ZBED1: variants seen among roughly 807,000 people sequenced by gnomAD.
ZBED1 encodes zinc finger BED-type containing 1, also known as E3 SUMO-protein ligase ZBED1.
ZBED1 carries 19 observed loss-of-function variants against 49.7 expected under a neutral mutation model. The observed-to-expected ratio is 0.38, with a 90% CI of 0.27 to 0.56. ZBED1 has a LOEUF of 0.56. Ranked by LOEUF, ZBED1 falls within the 20% of genes least tolerant of loss-of-function variation. The pLI is 0.70. For missense variants in ZBED1, 806 were observed against 972.6 expected (o/e 0.83, Z 2.28); for synonymous variants, 439 against 440.3 (o/e 1.00, Z 0.04).
At position 2,489,594 on chromosome X, in the gene ZBED1, C is replaced by T; in HGVS notation, c.1126G>A (p.Val376Met). ...AGGTGGTGGTTGTTGCTGTCCTCCA[C>T]CAAGACCCCGGCGATGACGAACTGC... ...EQQFVIAGVLVEDSNNHHLML... is the reference protein window; with the variant it reads ...EQQFVIAGVLMEDSNNHHLML... The change falls in exon 2 of 2, where the codon GTG becomes ATG. Residue 376 changes from valine to methionine, a missense_variant. Val to Met is a conservative substitution (Grantham distance 21). Around this residue, in one of 2 missense-constraint regions of ZBED1, gnomAD observed 749 missense variants for 861.3 expected, o/e 0.87. Transcript: ENST00000652001. 1 of 1,612,648 alleles carries T rather than the reference C, an allele frequency of 6.2e-7. No individual in the cohort carries two copies. Among genetic ancestry groups the T allele is most frequent in the Non-Finnish European group, 8.5e-7 (1 of 1,179,846 alleles).
chrX:2,490,445 G>A lies in ZBED1; in HGVS notation c.275C>T (p.Thr92Ile). The change falls in exon 2 of 2, where the codon ACC becomes ATC. Residue 92 changes from threonine to isoleucine, a missense_variant. By Grantham distance (89) the Thr-to-Ile change is moderately conservative (BLOSUM62 -1). Transcript: ENST00000652001. ...NTEQMREAFA[T>I]AFSKLKPESS... ...CTCGGGCTTCAGCTTGGAGAAGGCG[G>A]TGGCGAAGGCTTCACGCATCTGCTC... 2 of 1,613,964 alleles carry A rather than the reference G, an allele frequency of 1.2e-6. No individual in the cohort carries two copies. The highest frequency in any genetic ancestry group is 8.5e-7 in the Non-Finnish European group (1 of 1,179,868).
intron 1 of ZBED1, chrX:2,500,165 A>G (rs1569352189): frequency 6.6e-6 from 1 of 152,362 alleles, no homozygotes; most frequent in Non-Finnish European, 1.5e-5. Flanking sequence ...TGTGACTCAG[A>G]GATGTTTACA....
chrX:2,499,874 G>A (rs1367370878), intron 1 of ZBED1, among the ~76,000 whole-genome samples: 4 of 151,716 alleles, frequency 2.6e-5, no homozygotes, highest in Admixed American at 6.6e-5. Context: ...GCAAGACCCC[G>A]TCTACAAAAC....
Position 2,499,318 on chromosome X carries a change from A to G in ZBED1, c.-54+1499T>C, listed in dbSNP as rs771825883. On this transcript the variant is annotated intron_variant, in intron 1 of 1. Coordinates refer to ENST00000652001, the MANE Select transcript of ZBED1 (RefSeq NM_001171136.2). ...CTTAGGCTGGACATTTAAGACATTC[A>G]GGGCAACGTACACCCCCACCCCCAC... 2.4e-4 allele frequency among the ~76,000 whole-genome samples: 37 copies of G among 152,298 alleles called. 1 individual carries two copies. In the South Asian group the frequency reaches 5.8e-3, roughly 24 times the overall value.
At position 2,489,415 on chromosome X, in the gene ZBED1, G is replaced by A. The variant is rs770802784; in HGVS notation, c.1305C>T (p.Asn435=). The part of the protein sequence containing the change: ...LLHMLLNTTL[N]IKETDSKELS... ...GCTCCTTGGAGTCGGTCTCCTTGAT[G>A]TTGAGCGTGGTGTTCAGGAGCATGT... The change falls in exon 2 of 2, where the codon AAC becomes AAT. Residue 435 remains asparagine (N), a synonymous_variant. Coordinates refer to ENST00000652001, the MANE Select transcript of ZBED1 (RefSeq NM_001171136.2). 1.6e-5 allele frequency: 26 copies of A among 1,613,960 alleles called. No homozygotes were observed. Among genetic ancestry groups the A allele is most frequent in the East Asian group, 2.2e-5 (1 of 44,868 alleles).
chrX:2,491,411 C>T (rs1395920343), intron 1 of ZBED1, among the ~76,000 whole-genome samples: 2 of 152,102 alleles, frequency 1.3e-5, no homozygotes, highest in African/African-American at 4.8e-5. Context: ...TGTTCCTGTC[C>T]TAAGAGTTTC....
intron 1 of ZBED1, among the ~76,000 whole-genome samples, chrX:2,495,877 T>C (rs921136365): frequency 6.6e-6 from 1 of 152,060 alleles, no homozygotes; most frequent in Non-Finnish European, 1.5e-5. Context: ...GTGCCTCACA[T>C]GACTCTTACC....
At chrX:2,496,428 A>C (rs2045286697) in intron 1 of ZBED1, among the ~76,000 whole-genome samples, 2 of 152,000 alleles carry the variant, frequency 1.3e-5, no homozygotes, top group South Asian at 4.1e-4. Context: ...CAAACTCCTG[A>C]GCTCAGGCAA....
intron 1 of ZBED1, among the ~76,000 whole-genome samples, chrX:2,492,962 C>T (rs374536098): frequency 1.4e-4 from 21 of 152,368 alleles, no homozygotes; most frequent in African/African-American, 4.6e-4. Flanking sequence ...CGGGCAGTCG[C>T]GGCCTGCGTT....
At chrX:2,495,321 C>T (rs1036291815) in intron 1 of ZBED1, among the ~76,000 whole-genome samples, 18 of 151,488 alleles carry the variant, frequency 1.2e-4, no homozygotes, top group African/African-American at 3.4e-4. Flanking sequence ...GGCTGAAAGA[C>T]GCCCCAGTAC....
At chrX:2,500,744 G>C in intron 1 of ZBED1, 73 bp downstream of exon 1, 96 of 440,762 alleles carry the variant, frequency 2.2e-4, no homozygotes, top group Middle Eastern at 1.1e-3. Context: ...CGGAGCCCCC[G>C]CGCCCCCGCC....
In ZBED1 at chrX:2,488,569, A is replaced by G; in HGVS notation, c.*66T>C. The G allele has an allele frequency of 6.6e-7, 1 of 1,513,796 alleles. No individual in the cohort carries two copies. Among genetic ancestry groups the G allele is most frequent in the Non-Finnish European group, 8.8e-7 (1 of 1,131,970 alleles). 93.8% of individuals were successfully genotyped at this position (1,513,796 alleles called of 1,614,324 possible). On this transcript the variant is annotated 3_prime_UTR_variant, in exon 2 of 2. Transcript: ENST00000652001. ...GGTTCAAAACCAAGCTGACCGGGTA[A>G]GTATTTACAGCAAAGCATCCAATGG...
Position 2,489,036 on chromosome X carries a change from C to T in ZBED1, c.1684G>A (p.Glu562Lys). The change falls in exon 2 of 2, where the codon GAA (glutamate) becomes AAA (lysine). Residue 562 changes from glutamate to lysine, a missense_variant. Glu to Lys is a moderately conservative substitution (Grantham distance 56, BLOSUM62 1). Around this residue, in one of 2 missense-constraint regions of ZBED1, gnomAD observed 749 missense variants for 861.3 expected, o/e 0.87. Coordinates refer to ENST00000652001, the MANE Select transcript of ZBED1 (RefSeq NM_001171136.2). ...FCQTGGVEDQ[E>K]EWHAQVVEEL... Reference sequence around the variant, plus strand: ...TCCACCACCTGGGCATGCCACTCTTCCTGGTCCTCCACGCCGCCTGTCTGG... The same window carrying T: ...TCCACCACCTGGGCATGCCACTCTTTCTGGTCCTCCACGCCGCCTGTCTGG... 6.2e-7 allele frequency: 1 copy of T among 1,613,706 alleles called. No homozygotes were observed.
chrX:2,495,423 T>C (rs1489803254), intron 1 of ZBED1, among the ~76,000 whole-genome samples: 4 of 152,128 alleles, frequency 2.6e-5, no homozygotes, highest in Admixed American at 2.6e-4. Flanking sequence ...GATCATCATT[T>C]GGCTGAAACA....
rs1280153023 is a variant in ZBED1, at chrX:2,488,784, A to T, written c.1936T>A (p.Phe646Ile). The change falls in exon 2 of 2, where the codon TTT becomes ATT. Residue 646 changes from phenylalanine (F) to isoleucine (I), a missense_variant. This residue lies in a region of ZBED1 where 749 missense variants were observed against 861.3 expected (regional missense o/e 0.87). Coordinates refer to ENST00000652001, the MANE Select transcript of ZBED1 (RefSeq NM_001171136.2). ...CCACTCCGGGCGTTCTCATACAGAA[A>T]CACCTGCTCGTCCACGTGCGCGGGA... is the stretch of plus-strand genomic sequence containing the variant. The part of the protein sequence containing the change: ...LAPAHVDEQV[F>I]LYENARSGAE... 6.2e-7 allele frequency: 1 copy of T among 1,613,830 alleles called. No homozygotes were observed. Among genetic ancestry groups the T allele is most frequent in the Admixed American group, 1.7e-5 (1 of 60,010 alleles).
Position 2,490,073 on chromosome X carries a change from T to A in ZBED1, c.647A>T (p.His216Leu). 6.2e-7 allele frequency: 1 copy of A among 1,613,674 alleles called. No individual in the cohort carries two copies. Among genetic ancestry groups the A allele is most frequent in the Non-Finnish European group, 8.5e-7 (1 of 1,179,850 alleles). Reference protein sequence around the residue: ...QNRAYVTLAAHFLGLGAPNCL... With the variant: ...QNRAYVTLAALFLGLGAPNCL... ...GTTGGGGGCGCCCAGGCCCAGGAAG[T>A]GGGCGGCCAGCGTGACGTAGGCGCG... Residue 216 changes from histidine (H) to leucine (L), a missense_variant, in exon 2 of 2, where the codon CAC becomes CTC. Physicochemically the swap from His to Leu is moderately conservative, Grantham distance 99 (BLOSUM62 -3). Around this residue, in one of 2 missense-constraint regions of ZBED1, gnomAD observed 749 missense variants for 861.3 expected, o/e 0.87. Coordinates refer to ENST00000652001, the MANE Select transcript of ZBED1 (RefSeq NM_001171136.2).
At chrX:2,496,879 A>T (rs891554242) in intron 1 of ZBED1, among the ~76,000 whole-genome samples, 6 of 148,840 alleles carry the variant, frequency 4.0e-5, no homozygotes, top group Non-Finnish European at 5.9e-5. Context: ...TTATTCTAAA[A>T]ATATATATAT....
intron 1 of ZBED1, among the ~76,000 whole-genome samples, chrX:2,498,763 T>C (rs2045343562): frequency 6.6e-6 from 1 of 152,180 alleles, no homozygotes; most frequent in South Asian, 2.1e-4. Flanking sequence ...TAAGGAGGTT[T>C]AAGGGGACCT....
rs748487175 is a variant in ZBED1, at chrX:2,490,690, C to T, written c.30G>A (p.Gln10=). 15 of 1,613,866 alleles carry T rather than the reference C, an allele frequency of 9.3e-6. No homozygotes were observed. Among genetic ancestry groups the T allele is most frequent in the Non-Finnish European group, 1.3e-5 (15 of 1,179,834 alleles). The stretch of plus-strand genomic sequence containing the variant: ...GGTGGGCCACCAGCTTCAGGTCTGT[C>T]TGGGAGCTCTCCAGGCTTTTATTCT... MENKSLESS[Q]TDLKLVAHPR... is the part of the protein sequence containing the mutation. Residue 10 remains glutamine (Q), a synonymous_variant, in exon 2 of 2, where the codon CAG becomes CAA. Coordinates refer to ENST00000652001, the MANE Select transcript of ZBED1 (RefSeq NM_001171136.2).
Sources: gnomAD v4.1 joint callset for allele counts (sites outside exome capture counted in the v4.1 genomes callset) on GRCh38, gnomAD v4.1.1 for gene constraint, gnomAD v4.1.1 regional missense constraint, MANE v1.5 for transcripts, NCBI Gene and HGNC (gene_info 2026-07-23, HGNC 2026-07-21) for gene names.